RTCB: variants seen among roughly 807,000 people sequenced by gnomAD.
RTCB encodes RNA 2',3'-cyclic phosphate and 5'-OH ligase, also known as RNA-splicing ligase RTCB.
In RTCB, 32 loss-of-function variants were observed where a neutral mutation model predicts 58.2. That is an observed-to-expected ratio of 0.55 (90% CI 0.41 to 0.74). The LOEUF (loss-of-function observed/expected upper bound fraction) is 0.74. Ranked by LOEUF, RTCB falls within the 30% of genes least tolerant of loss-of-function variation. The pLI, the probability that RTCB is intolerant of heterozygous loss-of-function variation, is 0.00. For synonymous variants in RTCB, 247 were observed against 218.6 expected (o/e 1.13, Z -1.15); for missense variants, 523 against 639.0 (o/e 0.82, Z 1.96).
At chr22:32,409,163 T>C (rs1232088133) in intron 1 of RTCB, among the ~76,000 whole-genome samples, 2 of 150,924 alleles carry the variant, frequency 1.3e-5, no homozygotes, top group Non-Finnish European at 2.9e-5. Flanking sequence ...AAGGTCTTAA[T>C]CCTCAAGCTT....
At chr22:32,396,316 C>T (rs1036506327) in intron 7 of RTCB, 67 bp from the exon 8 acceptor site, 1 of 1,478,902 alleles carries the variant, frequency 6.8e-7, no homozygotes, top group Admixed American at 1.9e-5. Context: ...AGATTTACTG[C>T]AGAAAGGTAG....
rs756938802 is a variant in RTCB at position 32,408,835 on chromosome 22, T to C, written c.94-2A>G. 1 of 1,610,638 alleles carries C rather than the reference T, an allele frequency of 6.2e-7. No individual in the cohort carries two copies. ...ATTCACATAGAAAACACCTTCAACC[T>C]AGTACCAAGGAAAGTGAAAAGCAAT... is the stretch of plus-strand genomic sequence containing the variant. On this transcript the variant is annotated splice_acceptor_variant, in intron 1 of 11. Coordinates refer to ENST00000216038, the MANE Select transcript of RTCB (RefSeq NM_014306.5). LOFTEE classifies it high-confidence loss of function.
At position 32,396,265 on chromosome 22, in the gene RTCB, CAA is replaced by C; in HGVS notation, c.815-18_815-17del. The C allele has an allele frequency of 6.2e-7, 1 of 1,613,166 alleles. No individual in the cohort carries two copies. The highest frequency in any genetic ancestry group is 1.1e-5 in the South Asian group (1 of 90,932). Reference sequence around the variant, plus strand: ...ACCAGCGCATCTGGAACAAGAGCCACAAAGTCCAAACCAGTTAGCTTTCCCTT... The same window carrying C: ...ACCAGCGCATCTGGAACAAGAGCCACAGTCCAAACCAGTTAGCTTTCCCTT... On this transcript the variant is annotated splice_polypyrimidine_tract_variant and intron_variant, in intron 7 of 11. Transcript: ENST00000216038.
intron 4 of RTCB, among the ~76,000 whole-genome samples, chr22:32,404,867 T>A (rs576066759): frequency 8.6e-5 from 13 of 151,666 alleles, no homozygotes; most frequent in Admixed American, 6.6e-4. Context: ...TTTTTTTTTT[T>A]TAGAGACGGG....
At chr22:32,395,829 G>A (rs1023817693) in intron 8 of RTCB, among the ~76,000 whole-genome samples, 6 of 151,992 alleles carry the variant, frequency 3.9e-5, no homozygotes, top group African/African-American at 1.4e-4. Flanking sequence ...CGAGTAGCTG[G>A]GACTACATGC....
chr22:32,395,938 ATCCGC>A, intron 8 of RTCB, 131 bp downstream of exon 8: 1 of 732,924 alleles, frequency 1.4e-6, no homozygotes, highest in Non-Finnish European at 2.1e-6. Context: ...TAACCTTGTG[ATCCGC>A]CCCCCCTCGG....
At chr22:32,403,073 T>G (rs554174552) in intron 4 of RTCB, among the ~76,000 whole-genome samples, 3 of 152,074 alleles carry the variant, frequency 2.0e-5, no homozygotes, top group Non-Finnish European at 4.4e-5. Flanking sequence ...CATTTTCTCC[T>G]CAGCTTGAGA....
intron 1 of RTCB, among the ~76,000 whole-genome samples, chr22:32,410,618 G>T (rs1356215919): frequency 6.6e-6 from 1 of 152,158 alleles, no homozygotes; most frequent in Non-Finnish European, 1.5e-5. Context: ...AGAATGAGCA[G>T]CAGTGTGTGC....
intron 5 of RTCB, among the ~76,000 whole-genome samples, chr22:32,400,678 A>G (rs738270): frequency 3.1e-4 from 47 of 152,356 alleles, no homozygotes; most frequent in African/African-American, 1.0e-3. Context: ...TCATCCAAGT[A>G]TATTGATTTT....
chr22:32,408,746 T>C lies in RTCB; in HGVS notation c.172+9A>G. The C allele has an allele frequency of 6.2e-7, 1 of 1,604,158 alleles. No homozygotes were observed. The highest frequency in any genetic ancestry group is 1.1e-5 in the South Asian group (1 of 90,888). On this transcript the variant is annotated intron_variant, in intron 2 of 11. Coordinates refer to ENST00000216038, the MANE Select transcript of RTCB (RefSeq NM_014306.5). ...CGTACTAACACAAGTGAAACTCTAA[T>C]GTACTTACCACCACCTCGACAGGCA... is the stretch of plus-strand genomic sequence containing the variant.
intron 11 of RTCB, 145 bp from the exon 12 acceptor site, chr22:32,388,244 A>C (rs1459028245): frequency 5.1e-6 from 3 of 584,396 alleles, no homozygotes; most frequent in Non-Finnish European, 9.1e-6. Flanking sequence ...AAAATTTAAA[A>C]AAGAAGTAAG....
chr22:32,399,065 T>C (rs1933291359), intron 6 of RTCB, among the ~76,000 whole-genome samples: 1 of 152,226 alleles, frequency 6.6e-6, no homozygotes, highest in African/African-American at 2.4e-5. Flanking sequence ...AATATGTATA[T>C]ATGTAATTTT....
intron 9 of RTCB, 119 bp from the exon 10 acceptor site, chr22:32,394,121 T>G: frequency 1.5e-6 from 1 of 647,720 alleles, no homozygotes; most frequent in Admixed American, 2.9e-5. Context: ...CTTCTTTTTT[T>G]TTTTTTTGAG....
intron 4 of RTCB, among the ~76,000 whole-genome samples, chr22:32,405,437 T>A (rs1933403415): frequency 6.6e-6 from 1 of 152,080 alleles, no homozygotes. Flanking sequence ...TGAAAAAAAA[T>A]GTATACTCTG....
Position 32,395,079 on chromosome 22 carries a change from C to T in RTCB, c.1126G>A (p.Gly376Arg). ...KERTLLVHRK[G>R]STRAFPPHHP... The stretch of plus-strand genomic sequence containing the variant: ...TGAGGAGGGAAAGCGCGGGTGGATC[C>T]CTTCCTGTGTACTAACAGTGTCCGT... Residue 376 changes from glycine (G) to arginine (R), a missense_variant, in exon 9 of 12, where the codon GGA becomes AGA. Physicochemically the swap from Gly to Arg is moderately radical, Grantham distance 125 (BLOSUM62 -2). Coordinates refer to ENST00000216038, the MANE Select transcript of RTCB (RefSeq NM_014306.5). The T allele has an allele frequency of 6.2e-7, 1 of 1,614,148 alleles. No homozygotes were observed. The highest frequency in any genetic ancestry group is 8.5e-7 in the Non-Finnish European group (1 of 1,180,020).
chr22:32,394,419 C>A (rs56300131), intron 9 of RTCB, among the ~76,000 whole-genome samples: 5,181 of 152,172 alleles, frequency 0.034, 287 homozygotes, highest in African/African-American at 0.12. Context: ...CCGGAGAAAC[C>A]CAGACTTCTA....
intron 11 of RTCB, among the ~76,000 whole-genome samples, chr22:32,390,534 C>T (rs368048658): frequency 4.6e-5 from 7 of 151,924 alleles, no homozygotes; most frequent in East Asian, 3.9e-4. Context: ...CTGCAAGCTC[C>T]GCCTCCCGCG....
chr22:32,406,238 G>C (rs952046108), intron 4 of RTCB, among the ~76,000 whole-genome samples: 1 of 152,086 alleles, frequency 6.6e-6, no homozygotes, highest in Non-Finnish European at 1.5e-5. Context: ...AAATATCAAA[G>C]AAAAATGACA....
At chr22:32,410,320 C>T (rs1024436762) in intron 1 of RTCB, among the ~76,000 whole-genome samples, 1 of 151,846 alleles carries the variant, frequency 6.6e-6, no homozygotes, top group Non-Finnish European at 1.5e-5. Context: ...AGGAACTAAA[C>T]GCAAAAATGA....
Sources: allele counts gnomAD v4.1 joint callset (sites outside exome capture counted in the v4.1 genomes callset), GRCh38; gene constraint gnomAD v4.1.1; transcripts MANE v1.5; gene names NCBI Gene and HGNC (gene_info 2026-07-23, HGNC 2026-07-21).